The following FAF1 variants were observed in gnomAD, a reference collection of about 807,000 sequenced individuals.
FAF1 encodes the protein FAS-associated factor 1.
FAF1 carries 25 observed loss-of-function variants against 92.5 expected under a neutral mutation model. The observed-to-expected ratio is 0.27, with a 90% CI of 0.20 to 0.38. The LOEUF is 0.38. Among genes scored for constraint, FAF1 ranks in the 10% least tolerant of loss-of-function variants. The pLI is 1.00. For missense variants in FAF1, 636 were observed against 793.3 expected, an observed-to-expected ratio of 0.80 and a Z score of 2.38; for synonymous variants, 234 against 273.2, an observed-to-expected ratio of 0.86 and a Z score of 1.42.
intron 1 of FAF1, among the ~76,000 whole-genome samples, chr1:50,951,251 A>C (rs1645212084): frequency 6.6e-6 from 1 of 152,186 alleles, no homozygotes; most frequent in South Asian, 2.1e-4. Flanking sequence ...CAAACAAACA[A>C]AATTTGTTTC....
chr1:50,492,151 C>G (rs1444996124), intron 15 of FAF1, among the ~76,000 whole-genome samples: 1 of 152,146 alleles, frequency 6.6e-6, no homozygotes, highest in Non-Finnish European at 1.5e-5. Context: ...TAGCAAAGGA[C>G]CTGGCACTTA....
intron 1 of FAF1, among the ~76,000 whole-genome samples, chr1:50,873,891 C>T (rs77036096): frequency 6.6e-6 from 1 of 152,186 alleles, no homozygotes; most frequent in African/African-American, 2.4e-5. Flanking sequence ...TTGGGTCTCG[C>T]ATACCCTGCA....
intron 7 of FAF1, among the ~76,000 whole-genome samples, chr1:50,694,065 A>G (rs1657076828): frequency 6.6e-6 from 1 of 150,864 alleles, no homozygotes; most frequent in Non-Finnish European, 1.5e-5. Context: ...CATATATATG[A>G]CATATACATG....
chr1:50,771,251 T>G (rs1478447531), intron 4 of FAF1, among the ~76,000 whole-genome samples: 1 of 151,948 alleles, frequency 6.6e-6, no homozygotes, highest in Non-Finnish European at 1.5e-5. Flanking sequence ...AATTGACAAA[T>G]GAGACCCAAT....
In FAF1 at chr1:50,885,324, A is replaced by ACACACACACACACACACACACACACT. The variant is rs1644651416; in HGVS notation, c.46-27328_46-27327insAGTGTGTGTGTGTGTGTGTGTGTGTG. 2.5e-3 allele frequency among the ~76,000 whole-genome samples: 256 copies of ACACACACACACACACACACACACACT among 102,010 alleles called. 1 individual carries two copies. Among genetic ancestry groups the ACACACACACACACACACACACACACT allele is most frequent in the African/African-American group, 8.6e-3 (240 of 28,064 alleles). The allele number at this position is 102,010 out of a possible 152,430, so 66.9% of individuals were successfully genotyped here. ...CTCTCTCTCTCTCTCACACACACAC[A>ACACACACACACACACACACACACACT]CTCTCTCTCTCTCTCTCTCAATATT... is the stretch of plus-strand genomic sequence containing the variant. On this transcript the variant is annotated intron_variant, in intron 1 of 18. Coordinates refer to ENST00000396153, the MANE Select transcript of FAF1 (RefSeq NM_007051.3).
At chr1:50,619,957 G>A (rs962484695) in intron 8 of FAF1, among the ~76,000 whole-genome samples, 4 of 144,612 alleles carry the variant, frequency 2.8e-5, no homozygotes, top group African/African-American at 7.8e-5. Flanking sequence ...CTCCCAGGCT[G>A]GAGTGCAATG....
rs530263740 is a variant in FAF1 at position 50,521,033 on chromosome 1, A to C, written c.1494+14336T>G. The stretch of plus-strand genomic sequence containing the variant: ...GACTGGCACTCATACTGTTTTTTAT[A>C]TATTAATTCATTATTTTTAATTGAC... On this transcript the variant is annotated intron_variant, in intron 15 of 18. Transcript: ENST00000396153. Among the ~76,000 whole-genome samples the C allele has an allele frequency of 2.0e-5, 3 of 152,308 alleles. No homozygotes were observed. The South Asian group carries it at 6.2e-4, about 32-fold the overall frequency.
chr1:50,791,408 T>C (rs1048850110), intron 3 of FAF1, among the ~76,000 whole-genome samples: 6 of 152,230 alleles, frequency 3.9e-5, no homozygotes, highest in African/African-American at 1.4e-4. Flanking sequence ...AACTGTATTT[T>C]CTTCTGCTAG....
rs74080081 is a variant in FAF1 at position 50,796,059 on chromosome 1, C to A, written c.161+5572G>T. ...TCACCAGGTAAAAAAACAACAACAA[C>A]AAAAAAAAACAAAAACAAAAAAAAA... On this transcript the variant is annotated intron_variant, in intron 3 of 18. Transcript: ENST00000396153. 9.0e-3 allele frequency among the ~76,000 whole-genome samples: 1,338 copies of A among 148,100 alleles called. 12 individuals carry two copies. Among genetic ancestry groups the A allele is most frequent in the African/African-American group, 0.029 (1,157 of 39,934 alleles).
rs537444735 is a variant in FAF1 at position 50,815,935 on chromosome 1, G to A, written c.115-14258C>T. ...CCAGCTACTCTGGGGGCTGAGGCAG[G>A]AGAATCGCTTGAACCTGGGAGGTAG... is the stretch of plus-strand genomic sequence containing the variant. On this transcript the variant is annotated intron_variant, in intron 2 of 18. Coordinates refer to ENST00000396153, the MANE Select transcript of FAF1 (RefSeq NM_007051.3). 4.0e-5 allele frequency among the ~76,000 whole-genome samples: 6 copies of A among 151,854 alleles called. No homozygotes were observed. In the East Asian group the frequency reaches 9.9e-4, roughly 25 times the overall value.
chr1:50,892,217 T>C (rs1352570448), intron 1 of FAF1, among the ~76,000 whole-genome samples: 2 of 152,172 alleles, frequency 1.3e-5, no homozygotes, highest in African/African-American at 4.8e-5. Context: ...AAACACAGTA[T>C]TAGGGTGGGA....
intron 2 of FAF1, among the ~76,000 whole-genome samples, chr1:50,832,661 A>C (rs1168158063): frequency 6.6e-6 from 1 of 152,198 alleles, no homozygotes; most frequent in Non-Finnish European, 1.5e-5. Context: ...TGAGCAAGTA[A>C]GGATAGTTAT....
At chr1:50,946,365 T>C (rs1413990010) in intron 1 of FAF1, among the ~76,000 whole-genome samples, 1 of 152,240 alleles carries the variant, frequency 6.6e-6, no homozygotes, top group Non-Finnish European at 1.5e-5. Flanking sequence ...TTCAGGCAGC[T>C]ATCTTTGAAC....
chr1:50,953,841 T>C (rs888742341), intron 1 of FAF1, among the ~76,000 whole-genome samples: 1 of 152,170 alleles, frequency 6.6e-6, no homozygotes, highest in Non-Finnish European at 1.5e-5. Context: ...AGCACATTTG[T>C]GTGTTACAGA....
chr1:50,498,059 G>A (rs1646922187), intron 15 of FAF1, among the ~76,000 whole-genome samples: 1 of 152,076 alleles, frequency 6.6e-6, no homozygotes, highest in Admixed American at 6.6e-5. Flanking sequence ...CATAATGATA[G>A]ACATATAGAA....
At chr1:50,812,837 G>A (rs1643929877) in intron 2 of FAF1, among the ~76,000 whole-genome samples, 1 of 152,124 alleles carries the variant, frequency 6.6e-6, no homozygotes, top group South Asian at 2.1e-4. Flanking sequence ...CTCATCAAGG[G>A]TGGACTGGAA....
At chr1:50,764,819 T>C (rs1206370183) in intron 4 of FAF1, among the ~76,000 whole-genome samples, 1 of 152,246 alleles carries the variant, frequency 6.6e-6, no homozygotes, top group African/African-American at 2.4e-5. Context: ...TTCTCAGATT[T>C]AGAGTTTCAG....
At chr1:50,758,906 G>A (rs1438326006) in intron 4 of FAF1, among the ~76,000 whole-genome samples, 3 of 151,940 alleles carry the variant, frequency 2.0e-5, no homozygotes, top group East Asian at 1.9e-4. Flanking sequence ...GCAGTGGTGC[G>A]ATCTCGGCTC....
intron 12 of FAF1, among the ~76,000 whole-genome samples, chr1:50,576,633 G>GCCCCCCCCCCCCCCCC: frequency 7.6e-6 from 1 of 131,936 alleles, no homozygotes; most frequent in Non-Finnish European, 1.6e-5. Flanking sequence ...TCTCCGCACC[G>GCCCCCCCCCCCCCCCC]CCCCCCCCCC....
Sources: gnomAD v4.1 joint callset for allele counts (sites outside exome capture counted in the v4.1 genomes callset) on GRCh38, gnomAD v4.1.1 for gene constraint, MANE v1.5 for transcripts, NCBI Gene and HGNC (gene_info 2026-07-23, HGNC 2026-07-21) for gene names.